FASTKD1: variants seen among roughly 807,000 people sequenced by gnomAD.
FASTKD1 encodes the protein FAST kinase domain-containing protein 1, mitochondrial.
In FASTKD1, 94 loss-of-function variants were observed where a neutral mutation model predicts 90.9. The observed-to-expected ratio is 1.03, with a 90% confidence interval of 0.88 to 1.23. FASTKD1 has a LOEUF of 1.23. FASTKD1 is among the 50% of genes most tolerant of loss of function. FASTKD1 has a pLI of 0.00. For missense variants in FASTKD1, 945 were observed against 993.5 expected (o/e 0.95, Z 0.66); for synonymous variants, 319 against 345.8 (o/e 0.92, Z 0.86).
At chr2:169,537,379 T>A in intron 11 of FASTKD1, 39 bp from the exon 12 acceptor site, 1 of 1,364,612 alleles carries the variant, frequency 7.3e-7, no homozygotes. Context: ...CTTAATCTTT[T>A]TTTTCTTTTT....
rs1261618898 is a variant in FASTKD1 at position 169,544,779 on chromosome 2, A to T, written c.1758T>A (p.Asp586Glu). Reference sequence around the variant, plus strand: ...CCAAAAATTCATCCCTTTGAGGTGGATCATAGTTCAATACGCTGAATGGAC... The same window carrying T: ...CCAAAAATTCATCCCTTTGAGGTGGTTCATAGTTCAATACGCTGAATGGAC... ...IIRPFSVLNYDPPQRDEFLGT... is the reference protein window; with the variant it reads ...IIRPFSVLNYEPPQRDEFLGT... The change falls in exon 9 of 15, where the codon GAT becomes GAA. Residue 586 changes from aspartate to glutamate, a missense_variant. Asp to Glu is a conservative substitution (Grantham distance 45, BLOSUM62 2). Transcript: ENST00000453153. 6.2e-7 allele frequency: 1 copy of T among 1,613,280 alleles called. No individual in the cohort carries two copies. Among genetic ancestry groups the T allele is most frequent in the East Asian group, 2.2e-5 (1 of 44,844 alleles).
At chr2:169,570,714 C>T (rs974845595) in intron 2 of FASTKD1, among the ~76,000 whole-genome samples, 3 of 141,638 alleles carry the variant, frequency 2.1e-5, no homozygotes, top group South Asian at 4.4e-4. Flanking sequence ...CTCACTCTGT[C>T]GCCCAGAATG....
chr2:169,559,517 C>A (rs1045112283), intron 5 of FASTKD1, among the ~76,000 whole-genome samples: 1 of 152,200 alleles, frequency 6.6e-6, no homozygotes, highest in Non-Finnish European at 1.5e-5. Context: ...GCAGGCTCAA[C>A]CTCCTTGGGC....
In FASTKD1 at chr2:169,562,074, TAATTATTTATTAATTTATTGTAAAA is replaced by T. The variant is rs1471580127; in HGVS notation, c.572+1126_572+1150del. Among the ~76,000 whole-genome samples, 79 of 124,702 alleles carry T rather than the reference TAATTATTTATTAATTTATTGTAAAA, an allele frequency of 6.3e-4. 13 individuals are homozygous for T. The highest frequency in any genetic ancestry group is 2.1e-3 in the African/African-American group (70 of 33,546). The allele number at this position is 124,702 out of a possible 152,430, so 81.8% of individuals were successfully genotyped here. ...AATTATTTATTAATTTATTGTAAAA[TAATTATTTATTAATTTATTGTAAAA>T]TAATTATTTATTAATTTATTGTAAA... On this transcript the variant is annotated intron_variant, in intron 4 of 14. Transcript: ENST00000453153.
intron 12 of FASTKD1, among the ~76,000 whole-genome samples, chr2:169,534,537 G>T (rs1477403530): frequency 7.0e-6 from 1 of 143,516 alleles, no homozygotes; most frequent in African/African-American, 2.6e-5. Context: ...CCGGCTCACT[G>T]CAACCTCCGT....
intron 12 of FASTKD1, among the ~76,000 whole-genome samples, chr2:169,532,188 G>A (rs1272352767): frequency 1.3e-5 from 2 of 152,126 alleles, no homozygotes; most frequent in Non-Finnish European, 2.9e-5. Context: ...GGGAGGCCGA[G>A]GCAGGCAGAT....
chr2:169,544,628 G>T, intron 9 of FASTKD1, 93 bp downstream of exon 9: 1 of 733,616 alleles, frequency 1.4e-6, no homozygotes, highest in Non-Finnish European at 2.4e-6. Context: ...TGTCTATTAT[G>T]GTTACCCTTT....
At position 169,546,232 on chromosome 2, in the gene FASTKD1, G is replaced by T; in HGVS notation, c.1687C>A (p.Gln563Lys). Residue 563 changes from glutamine (Q) to lysine (K), a missense_variant, in exon 8 of 15, where the codon CAG becomes AAG. Coordinates refer to ENST00000453153, the MANE Select transcript of FASTKD1 (RefSeq NM_024622.6). ...TTAAATTTCACCTTTTCAATCTGCTGAACAGCCACTGAGGCTATCCTATCT... is the reference window on the plus strand; with the variant it reads ...TTAAATTTCACCTTTTCAATCTGCTTAACAGCCACTGAGGCTATCCTATCT... ...LLDRIASVAV[Q>K]QIEKIHPFTI... is the part of the protein sequence containing the mutation. 1 of 1,568,690 alleles carries T rather than the reference G, an allele frequency of 6.4e-7. No individual in the cohort carries two copies. Among genetic ancestry groups the T allele is most frequent in the South Asian group, 1.2e-5 (1 of 85,052 alleles).
intron 14 of FASTKD1, among the ~76,000 whole-genome samples, chr2:169,530,234 C>A (rs1157070534): frequency 6.6e-6 from 1 of 152,152 alleles, no homozygotes; most frequent in Non-Finnish European, 1.5e-5. Context: ...GTGCCTCTCT[C>A]CTTTGTAAGA....
chr2:169,537,874 C>G (rs1684791484), intron 11 of FASTKD1, 139 bp downstream of exon 11: 1 of 642,816 alleles, frequency 1.6e-6, no homozygotes, highest in African/African-American at 1.9e-5. Context: ...CCTACAATAT[C>G]TCATATAAAA....
At chr2:169,546,059 C>A (rs1685176787) in intron 8 of FASTKD1, among the ~76,000 whole-genome samples, 159 bp downstream of exon 8, 4 of 152,162 alleles carry the variant, frequency 2.6e-5, no homozygotes, top group African/African-American at 9.7e-5. Context: ...AGCCTCCCAA[C>A]CGCTGGAATT....
At chr2:169,563,446 A>C in intron 3 of FASTKD1, 96 bp from the exon 4 acceptor site, 1 of 865,456 alleles carries the variant, frequency 1.2e-6, no homozygotes. Context: ...CAAAATAGTA[A>C]ATTACATAAA....
At chr2:169,533,675 C>T (rs551797215) in intron 12 of FASTKD1, among the ~76,000 whole-genome samples, 8 of 152,176 alleles carry the variant, frequency 5.3e-5, no homozygotes, top group South Asian at 2.1e-4. Context: ...GACAGATGGA[C>T]ATACCAGCAA....
Position 169,555,274 on chromosome 2 carries a change from A to G in FASTKD1, c.1083-19T>C. ...AGTAACTCTAAAAAGGATAGAGCAT[A>G]TATTATAACCAGTTCATTCATTTAT... On this transcript the variant is annotated intron_variant, in intron 6 of 14. Transcript: ENST00000453153. 6.3e-7 allele frequency: 1 copy of G among 1,592,842 alleles called. No individual in the cohort carries two copies.
intron 1 of FASTKD1, 25 bp from the exon 2 acceptor site, chr2:169,572,196 G>T: frequency 1.5e-6 from 1 of 645,350 alleles, no homozygotes; most frequent in Non-Finnish European, 2.4e-6. Flanking sequence ...GTTTAACATG[G>T]TTATGCTTAC....
At chr2:169,538,761 G>A (rs1684841312) in intron 10 of FASTKD1, among the ~76,000 whole-genome samples, 1 of 150,296 alleles carries the variant, frequency 6.7e-6, no homozygotes. Context: ...AGGAAACAAT[G>A]ATTCATGTAT....
At chr2:169,530,811 A>C in intron 13 of FASTKD1, 110 bp from the exon 14 acceptor site, 1 of 666,828 alleles carries the variant, frequency 1.5e-6, no homozygotes, top group Non-Finnish European at 2.7e-6. Context: ...AAGCCAATGA[A>C]TATAAATGAG....
Position 169,537,589 on chromosome 2 carries a change from G to T in FASTKD1, c.2075-249C>A, listed in dbSNP as rs548912932. On this transcript the variant is annotated intron_variant, in intron 11 of 14. Transcript: ENST00000453153. The stretch of plus-strand genomic sequence containing the variant: ...GTTAGAGATGGGGTTTCTCCATGTT[G>T]GTCAGGCTGGTCTCGAACTCCTGAC... Among the ~76,000 whole-genome samples, 53 of 152,060 alleles carry T rather than the reference G, an allele frequency of 3.5e-4. No individual in the cohort carries two copies. The South Asian group carries it at 1.0e-2, about 29-fold the overall frequency.
chr2:169,535,637 C>G (rs1214782080), intron 12 of FASTKD1, among the ~76,000 whole-genome samples: 1 of 151,980 alleles, frequency 6.6e-6, no homozygotes, highest in Non-Finnish European at 1.5e-5. Context: ...CACTCATACC[C>G]AACTCAATCC....
Sources: gnomAD v4.1 joint callset for allele counts (sites outside exome capture counted in the v4.1 genomes callset) on GRCh38, gnomAD v4.1.1 for gene constraint, MANE v1.5 for transcripts, NCBI Gene and HGNC (gene_info 2026-07-23, HGNC 2026-07-21) for gene names.